JAK1: variants seen among roughly 807,000 people sequenced by gnomAD.
JAK1 encodes the protein Janus kinase 1, also known as tyrosine-protein kinase JAK1.
Under a neutral mutation model 136.6 loss-of-function variants are expected in JAK1, and 16 were observed. The observed-to-expected ratio is 0.12, with a 90% confidence interval of 0.08 to 0.18. The LOEUF (loss-of-function observed/expected upper bound fraction) is 0.18. Among genes scored for constraint, JAK1 ranks in the 10% least tolerant of loss-of-function variants. The probability of loss-of-function intolerance (pLI) is 1.00; values close to 1 mark genes in which losing one functional copy is unlikely to be tolerated. For synonymous variants in JAK1, 492 were observed against 519.5 expected (o/e 0.95, Z 0.72); for missense variants, 859 against 1,450.1 (o/e 0.59, Z 6.62).
chr1:65,016,316 G>T (rs953909789), intron 2 of JAK1, among the ~76,000 whole-genome samples: 18 of 152,098 alleles, frequency 1.2e-4, no homozygotes, highest in Admixed American at 3.9e-4. Flanking sequence ...CCACTAAATT[G>T]TACCCTTAAA....
chr1:65,047,391 G>C (rs1647193971), intron 1 of JAK1, among the ~76,000 whole-genome samples: 1 of 152,122 alleles, frequency 6.6e-6, no homozygotes, highest in African/African-American at 2.4e-5. Flanking sequence ...ATTTGAACCT[G>C]GTCCTACTTG....
At chr1:64,850,699 A>G in intron 12 of JAK1, 105 bp downstream of exon 12, 1 of 750,446 alleles carries the variant, frequency 1.3e-6, no homozygotes, top group Non-Finnish European at 2.3e-6. Flanking sequence ...TTCTTTTTCT[A>G]CTAAGATTTC....
chr1:64,966,911 GCCT>G (rs146312531), upstream of JAK1, among the ~76,000 whole-genome samples: 59 of 152,066 alleles, frequency 3.9e-4, no homozygotes, highest in African/African-American at 1.4e-3. Flanking sequence ...AATGCATCCC[GCCT>G]CCTCCGTATA....
At chr1:64,849,494 C>T (rs1349189304) in intron 12 of JAK1, among the ~76,000 whole-genome samples, 1 of 152,226 alleles carries the variant, frequency 6.6e-6, no homozygotes, top group African/African-American at 2.4e-5. Flanking sequence ...CTGTGTGAGC[C>T]GCTGTGCCTG....
At chr1:65,051,151 T>G (rs1037591849) in intron 1 of JAK1, among the ~76,000 whole-genome samples, 1 of 151,442 alleles carries the variant, frequency 6.6e-6, no homozygotes, top group Non-Finnish European at 1.5e-5. Context: ...ACTAGTGCTA[T>G]TAGAATAGCT....
chr1:64,924,633 G>T (rs1400827106), intron 1 of JAK1, among the ~76,000 whole-genome samples: 4 of 152,312 alleles, frequency 2.6e-5, no homozygotes, highest in African/African-American at 9.6e-5. Context: ...CTGAGGAAGT[G>T]GGTGGTAGTT....
intron 1 of JAK1, among the ~76,000 whole-genome samples, chr1:64,904,392 G>A (rs1450671971): frequency 6.6e-6 from 1 of 152,148 alleles, no homozygotes; most frequent in Non-Finnish European, 1.5e-5. Flanking sequence ...TCTAAAAAGA[G>A]AGAGAAGGAA....
chr1:64,970,133 T>TAAAAA (rs1557735828), upstream of JAK1, among the ~76,000 whole-genome samples: 2 of 542 alleles, frequency 3.7e-3, no homozygotes, highest in Non-Finnish European at 0.01. Flanking sequence ...AGACCCTGTC[T>TAAAAA]CAAAAAAAAA....
At chr1:64,886,441 C>A in intron 1 of JAK1, 100 bp from the exon 2 acceptor site, 1 of 553,332 alleles carries the variant, frequency 1.8e-6, no homozygotes. Context: ...CATAAGCAGG[C>A]AAGAAAAAGC....
intron 1 of JAK1, among the ~76,000 whole-genome samples, chr1:64,940,853 T>G (rs1158791361): frequency 6.6e-6 from 1 of 152,148 alleles, no homozygotes; most frequent in African/African-American, 2.4e-5. Flanking sequence ...ATTTTCGGAT[T>G]TTTTCATTAA....
intron 2 of JAK1, among the ~76,000 whole-genome samples, chr1:65,001,328 C>G (rs1646754330): frequency 6.6e-6 from 1 of 152,248 alleles, no homozygotes; most frequent in Non-Finnish European, 1.5e-5. Flanking sequence ...GGGGCCCAGC[C>G]TCCGCCAGCA....
chr1:64,958,546 T>C (rs537869415), intron 1 of JAK1, among the ~76,000 whole-genome samples: 1 of 152,344 alleles, frequency 6.6e-6, no homozygotes, highest in South Asian at 2.1e-4. Context: ...CAAAAAGCCA[T>C]TGTACTTCTT....
intron 1 of JAK1, among the ~76,000 whole-genome samples, chr1:64,896,236 C>A (rs976944542): frequency 3.3e-5 from 5 of 152,240 alleles, no homozygotes; most frequent in Admixed American, 2.6e-4. Flanking sequence ...CTTACATTCA[C>A]AATTCTTTTA....
chr1:65,004,379 T>C (rs889964001), intron 2 of JAK1, among the ~76,000 whole-genome samples: 2 of 152,214 alleles, frequency 1.3e-5, no homozygotes, highest in African/African-American at 2.4e-5. Context: ...CTTTTGTAAG[T>C]AAGGTGTTTG....
At chr1:64,903,796 A>G (rs530962253) in intron 1 of JAK1, among the ~76,000 whole-genome samples, 4 of 152,336 alleles carry the variant, frequency 2.6e-5, no homozygotes, top group African/African-American at 7.2e-5. Context: ...AAGTTATGTT[A>G]ACATAACCCA....
chr1:65,014,116 G>A (rs577326954), intron 2 of JAK1, among the ~76,000 whole-genome samples: 1 of 152,166 alleles, frequency 6.6e-6, no homozygotes, highest in Admixed American at 6.5e-5. Context: ...ACAGAATGAA[G>A]CATAGAAATT....
At chr1:65,043,675 AGG>A (rs1647155774) in intron 2 of JAK1, among the ~76,000 whole-genome samples, 1 of 148,016 alleles carries the variant, frequency 6.8e-6, no homozygotes, top group African/African-American at 2.5e-5. Flanking sequence ...CTGGGACTAC[AGG>A]CATGCACCAC....
chr1:64,966,609 G>A, upstream of JAK1: 1 of 145,764 alleles, frequency 6.9e-6, no homozygotes, highest in East Asian at 2.1e-4. Context: ...TGGCCGCCGG[G>A]CCCACCCCCT....
chr1:65,027,909 G>A (rs902432109), intron 2 of JAK1, among the ~76,000 whole-genome samples: 2 of 152,178 alleles, frequency 1.3e-5, no homozygotes, highest in African/African-American at 2.4e-5. Context: ...CTTGCAGCAG[G>A]TTCTTTCTGG....
Sources: gnomAD v4.1 joint callset for allele counts (sites outside exome capture counted in the v4.1 genomes callset) on GRCh38, gnomAD v4.1.1 for gene constraint, MANE v1.5 for transcripts, NCBI Gene and HGNC (gene_info 2026-07-23, HGNC 2026-07-21) for gene names.